The following CAPSL variants were observed in gnomAD, a reference collection of about 807,000 sequenced individuals.
CAPSL encodes calcyphosine like.
A neutral mutation model predicts 21.3 loss-of-function variants in CAPSL; 17 were observed. The observed-to-expected ratio is 0.80, with a 90% CI of 0.55 to 1.20. CAPSL has a LOEUF of 1.20. Among genes scored for constraint, CAPSL ranks in the 50% most tolerant of loss-of-function variants. The pLI is 0.00. For missense variants in CAPSL, 289 were observed against 259.3 expected (o/e 1.11, Z -0.79); for synonymous variants, 102 against 89.3 (o/e 1.14, Z -0.80).
At position 35,929,418 on chromosome 5, in the gene CAPSL, G is replaced by A. The variant is rs147592661; in HGVS notation, c.1-8298C>T. On this transcript the variant is annotated intron_variant, in intron 1 of 4. Coordinates refer to ENST00000651391, the MANE Select transcript of CAPSL (RefSeq NM_001042625.2). ...AGCAATCCTCCTGCCTCAGCCTCCC[G>A]AGTAGCTAGGAATACAGGCACCTGC... is the stretch of plus-strand genomic sequence containing the variant. Among the ~76,000 whole-genome samples the A allele has an allele frequency of 2.3e-3, 342 of 150,920 alleles. 2 individuals carry two copies. The highest frequency in any genetic ancestry group is 8.0e-3 in the African/African-American group (329 of 41,076).
chr5:35,910,603 A>G, intron 2 of CAPSL, 60 bp from the exon 3 acceptor site: 3 of 1,281,320 alleles, frequency 2.3e-6, no homozygotes. Flanking sequence ...GTAAGTGTAA[A>G]GATTAAAAAA....
chr5:35,917,019 G>GA (rs1315254705), intron 2 of CAPSL, among the ~76,000 whole-genome samples: 3 of 151,952 alleles, frequency 2.0e-5, no homozygotes, highest in South Asian at 2.1e-4. Flanking sequence ...AAATTTACAA[G>GA]AAAAAAACAC....
At chr5:35,931,762 A>C (rs1738832126) in intron 1 of CAPSL, among the ~76,000 whole-genome samples, 1 of 152,220 alleles carries the variant, frequency 6.6e-6, no homozygotes, top group African/African-American at 2.4e-5. Context: ...AAATAAATAA[A>C]ACCAAGACAA....
chr5:35,913,955 A>C (rs537033058), intron 2 of CAPSL, among the ~76,000 whole-genome samples: 6 of 152,352 alleles, frequency 3.9e-5, no homozygotes, highest in African/African-American at 1.4e-4. Flanking sequence ...TGCTGTATTC[A>C]GGAAACCCAT....
At chr5:35,918,077 T>A (rs1466063086) in intron 2 of CAPSL, among the ~76,000 whole-genome samples, 1 of 152,100 alleles carries the variant, frequency 6.6e-6, no homozygotes, top group East Asian at 1.9e-4. Context: ...GAACCACAAA[T>A]ACCATTTGAC....
At chr5:35,917,602 A>T (rs1302181734) in intron 2 of CAPSL, among the ~76,000 whole-genome samples, 1 of 152,178 alleles carries the variant, frequency 6.6e-6, no homozygotes, top group Non-Finnish European at 1.5e-5. Context: ...CATTCTCAGC[A>T]AACTATTGCA....
At chr5:35,916,269 T>G (rs371790814) in intron 2 of CAPSL, among the ~76,000 whole-genome samples, 3 of 151,788 alleles carry the variant, frequency 2.0e-5, no homozygotes, top group Admixed American at 6.6e-5. Flanking sequence ...AATCAATATC[T>G]TGAAAATGGC....
intron 2 of CAPSL, 64 bp from the exon 3 acceptor site, chr5:35,910,607 TAAAA>T: frequency 8.1e-7 from 1 of 1,234,748 alleles, no homozygotes; most frequent in Non-Finnish European, 1.1e-6. Flanking sequence ...GTGTAAAGAT[TAAAA>T]AAAAATCCAC....
At chr5:35,904,667 A>G (rs1358629198) in intron 4 of CAPSL, 21 bp from the exon 5 acceptor site, 1 of 1,610,364 alleles carries the variant, frequency 6.2e-7, no homozygotes, top group East Asian at 2.2e-5. Context: ...AAAGTTAGAA[A>G]CAAAAACGAA....
chr5:35,919,090 G>C lies in CAPSL; in HGVS notation c.137+1894C>G, dbSNP rs1318384092. On this transcript the variant is annotated intron_variant, in intron 2 of 4. Coordinates refer to ENST00000651391, the MANE Select transcript of CAPSL (RefSeq NM_001042625.2). ...ACAAAAAACAAAAAAAATGACTTTT[G>C]TTTTGTTTGGATTGGATACTAAGTC... Among the ~76,000 whole-genome samples the C allele has an allele frequency of 4.7e-5, 7 of 147,506 alleles. 1 individual carries two copies. Among genetic ancestry groups the C allele is most frequent in the Non-Finnish European group, 9.0e-5 (6 of 66,998 alleles).
At chr5:35,914,194 C>T (rs182520017) in intron 2 of CAPSL, among the ~76,000 whole-genome samples, 15 of 152,272 alleles carry the variant, frequency 9.9e-5, no homozygotes, top group Non-Finnish European at 1.3e-4. Context: ...TACAAGAGCA[C>T]GCAGATTCAT....
chr5:35,915,654 T>C (rs1738359026), intron 2 of CAPSL, among the ~76,000 whole-genome samples: 1 of 152,178 alleles, frequency 6.6e-6, no homozygotes, highest in African/African-American at 2.4e-5. Context: ...TTGACAAAAT[T>C]CAACAACCCT....
At chr5:35,908,003 T>C (rs367830163) in intron 4 of CAPSL, among the ~76,000 whole-genome samples, 21 of 152,364 alleles carry the variant, frequency 1.4e-4, no homozygotes, top group African/African-American at 5.1e-4. Context: ...TTATGTCTAT[T>C]AAATGAGATA....
At chr5:35,933,955 A>G (rs1738881164) in intron 1 of CAPSL, among the ~76,000 whole-genome samples, 1 of 152,222 alleles carries the variant, frequency 6.6e-6, no homozygotes, top group African/African-American at 2.4e-5. Context: ...CATAAATTGA[A>G]CAAGTGTTCA....
At chr5:35,930,684 C>T (rs926542394) in intron 1 of CAPSL, among the ~76,000 whole-genome samples, 1 of 152,196 alleles carries the variant, frequency 6.6e-6, no homozygotes, top group Non-Finnish European at 1.5e-5. Flanking sequence ...ATGAGACAGC[C>T]AAGCTTCCAA....
chr5:35,920,921 A>G (rs1194063610), intron 2 of CAPSL, 63 bp downstream of exon 2: 1 of 1,567,560 alleles, frequency 6.4e-7, no homozygotes, highest in African/African-American at 1.4e-5. Flanking sequence ...GGCCAACATT[A>G]GCCTCACCTG....
intron 2 of CAPSL, among the ~76,000 whole-genome samples, chr5:35,919,170 A>AAATATATATATAT (rs754098152): frequency 8.2e-6 from 1 of 121,274 alleles, no homozygotes; most frequent in Non-Finnish European, 1.8e-5. Flanking sequence ...TAAAAAAAAA[A>AAATATATATATAT]ATATATATAT....
chr5:35,916,271 G>C (rs541959535), intron 2 of CAPSL, among the ~76,000 whole-genome samples: 27 of 152,060 alleles, frequency 1.8e-4, no homozygotes, highest in African/African-American at 6.3e-4. Context: ...TCAATATCTT[G>C]AAAATGGCCA....
intron 1 of CAPSL, among the ~76,000 whole-genome samples, chr5:35,925,589 G>A (rs1241330988): frequency 1.3e-5 from 2 of 152,106 alleles, no homozygotes; most frequent in East Asian, 3.9e-4. Flanking sequence ...GCAGCCATCA[G>A]ATCCCAAAGA....
Sources: allele counts gnomAD v4.1 joint callset (sites outside exome capture counted in the v4.1 genomes callset), GRCh38; gene constraint gnomAD v4.1.1; transcripts MANE v1.5; gene names NCBI Gene and HGNC (gene_info 2026-07-23, HGNC 2026-07-21).